Variants in ATG7 observed in about 807,000 individuals in gnomAD.
ATG7 encodes ubiquitin-like modifier-activating enzyme ATG7.
Under a neutral mutation model 82.4 loss-of-function variants are expected in ATG7, and 70 were observed. The observed-to-expected ratio is 0.85, with a 90% CI of 0.70 to 1.04. The LOEUF (loss-of-function observed/expected upper bound fraction) is 1.04, where lower values mean the gene tolerates loss of function less well. ATG7 is among the 50% of genes least tolerant of loss of function. The pLI is 0.00. For missense variants in ATG7, 792 were observed against 864.3 expected, an observed-to-expected ratio of 0.92 and a Z score of 1.05; for synonymous variants, 287 against 313.0, an observed-to-expected ratio of 0.92 and a Z score of 0.88.
At chr3:11,561,323 C>T (rs1006647446), downstream of ATG7, among the ~76,000 whole-genome samples, 1 of 151,994 alleles carries the variant, frequency 6.6e-6, no homozygotes, top group African/African-American at 2.4e-5. Context: ...GGAAAGGCCA[C>T]TTCAGAAGAG....
At chr3:11,340,199 A>G (rs947123504) in intron 11 of ATG7, among the ~76,000 whole-genome samples, 3 of 152,182 alleles carry the variant, frequency 2.0e-5, no homozygotes, top group African/African-American at 7.2e-5. Flanking sequence ...TACTTAATTT[A>G]AGGTTCAAAT....
intron 18 of ATG7, among the ~76,000 whole-genome samples, chr3:11,371,135 C>T (rs1406269998): frequency 1.3e-5 from 2 of 151,184 alleles, no homozygotes; most frequent in South Asian, 2.1e-4. Flanking sequence ...AATTTTAGTG[C>T]TCTCCTCCCT....
At position 11,416,134 on chromosome 3, in the gene ATG7, C is replaced by T. The variant is rs553351600; in HGVS notation, c.1957-10670C>T. Among the ~76,000 whole-genome samples the T allele has an allele frequency of 1.2e-4, 18 of 152,340 alleles. No individual in the cohort carries two copies. The South Asian group carries it at 3.5e-3, about 30-fold the overall frequency. On this transcript the variant is annotated intron_variant, in intron 19 of 20. Transcript: ENST00000693202. ...ATTTGCTAATATTTTAAGATTCTTA[C>T]ATCTATGTTCATGAGATATATTGGT... is the stretch of plus-strand genomic sequence containing the variant.
chr3:11,379,714 CAGTT>C (rs2077727367), intron 18 of ATG7, among the ~76,000 whole-genome samples: 1 of 152,192 alleles, frequency 6.6e-6, no homozygotes, highest in South Asian at 2.1e-4. Context: ...ATTTTAGAGT[CAGTT>C]TGTTTTTAGG....
intron 19 of ATG7, among the ~76,000 whole-genome samples, chr3:11,384,626 A>G (rs2078173190): frequency 6.6e-6 from 1 of 152,194 alleles, no homozygotes; most frequent in Non-Finnish European, 1.5e-5. Flanking sequence ...TTGATATTAT[A>G]TAATCCTACC....
intron 12 of ATG7, 76 bp from the exon 13 acceptor site, chr3:11,342,059 A>T (rs1299527379): frequency 1.4e-6 from 2 of 1,439,756 alleles, no homozygotes. Context: ...ATTTTCTTGC[A>T]TAGCCACTTG....
intron 20 of ATG7, among the ~76,000 whole-genome samples, chr3:11,436,861 G>C (rs546583203): frequency 1.3e-5 from 2 of 152,202 alleles, no homozygotes; most frequent in Non-Finnish European, 2.9e-5. Flanking sequence ...GAGTTTTAAA[G>C]TCCATATAGT....
chr3:11,299,886 C>A (rs1214069825), intron 5 of ATG7, among the ~76,000 whole-genome samples: 1 of 151,372 alleles, frequency 6.6e-6, no homozygotes, highest in Admixed American at 6.6e-5. Context: ...TTTTTTAAAT[C>A]TGCTTGGGAG....
chr3:11,373,225 G>A (rs1272141003), intron 18 of ATG7, among the ~76,000 whole-genome samples: 2 of 140,604 alleles, frequency 1.4e-5, no homozygotes, highest in African/African-American at 5.4e-5. Flanking sequence ...TTTCCTGTGT[G>A]GATGGCAAAA....
At chr3:11,548,239 A>G (rs555091186) in intron 20 of ATG7, among the ~76,000 whole-genome samples, 26 of 152,132 alleles carry the variant, frequency 1.7e-4, no homozygotes, top group African/African-American at 4.6e-4. Context: ...GGGTCTCACT[A>G]TGTTGCCCAG....
intron 19 of ATG7, among the ~76,000 whole-genome samples, chr3:11,417,107 T>A (rs936506227): frequency 1.3e-5 from 2 of 152,216 alleles, no homozygotes; most frequent in African/African-American, 4.8e-5. Flanking sequence ...TGTTCTACCT[T>A]GGTGAATATT....
intron 20 of ATG7, among the ~76,000 whole-genome samples, chr3:11,462,717 T>C (rs562791159): frequency 6.6e-6 from 1 of 152,170 alleles, no homozygotes; most frequent in Non-Finnish European, 1.5e-5. Flanking sequence ...GCTCTAAGAA[T>C]TAACTATCCT....
At chr3:11,341,592 C>T (rs983643144) in intron 12 of ATG7, among the ~76,000 whole-genome samples, 6 of 152,078 alleles carry the variant, frequency 3.9e-5, no homozygotes, top group South Asian at 2.1e-4. Flanking sequence ...GGATTACAGG[C>T]GCCTGCCACC....
chr3:11,545,909 C>T (rs549342479), intron 20 of ATG7, among the ~76,000 whole-genome samples: 1 of 152,184 alleles, frequency 6.6e-6, no homozygotes, highest in South Asian at 2.1e-4. Context: ...GGAGGCCAAG[C>T]CAGAGGATTG....
chr3:11,546,711 G>A (rs1191500807), intron 20 of ATG7, among the ~76,000 whole-genome samples: 3 of 152,194 alleles, frequency 2.0e-5, no homozygotes, highest in Admixed American at 2.0e-4. Flanking sequence ...GGTGTGTGTG[G>A]TCCAGGCTGA....
chr3:11,558,753 G>C (rs2072672158), downstream of ATG7: 1 of 1,614,168 alleles, frequency 6.2e-7, no homozygotes, highest in Non-Finnish European at 8.5e-7. Context: ...TTGGGTGCCG[G>C]CTCGGGCTCC....
At chr3:11,378,685 C>CAAAAAAAAAAAAAAAAAAA (rs368506515) in intron 18 of ATG7, among the ~76,000 whole-genome samples, 1 of 78,936 alleles carries the variant, frequency 1.3e-5, no homozygotes, top group African/African-American at 7.0e-5. Context: ...ACTCCATCTC[C>CAAAAAAAAAAAAAAAAAAA]AAAAAAAAAA....
chr3:11,501,712 C>T (rs772541914), intron 20 of ATG7, among the ~76,000 whole-genome samples: 3 of 152,054 alleles, frequency 2.0e-5, no homozygotes, highest in Admixed American at 6.6e-5. Flanking sequence ...ATTTTTTAGA[C>T]AGAGTCTCCC....
intron 19 of ATG7, among the ~76,000 whole-genome samples, chr3:11,392,448 G>C (rs1023986417): frequency 6.9e-6 from 1 of 144,090 alleles, no homozygotes; most frequent in African/African-American, 2.5e-5. Flanking sequence ...AGGTGGTTTT[G>C]GGGAAATCAT....
Sources: allele counts gnomAD v4.1 joint callset (sites outside exome capture counted in the v4.1 genomes callset), GRCh38; gene constraint gnomAD v4.1.1; transcripts MANE v1.5; gene names NCBI Gene and HGNC (gene_info 2026-07-23, HGNC 2026-07-21).